The following KIFAP3 variants were observed in gnomAD, a reference collection of about 807,000 sequenced individuals.
KIFAP3 encodes the protein kinesin associated protein 3.
Under a neutral mutation model 106.5 loss-of-function variants are expected in KIFAP3, and 68 were observed. The observed-to-expected ratio is 0.64, with a 90% CI of 0.53 to 0.78. The LOEUF is 0.78. KIFAP3 is among the 30% of genes least tolerant of loss of function. KIFAP3 has a pLI of 0.00. For missense variants in KIFAP3, 780 were observed against 941.8 expected (o/e 0.83, Z 2.25); for synonymous variants, 320 against 311.5 (o/e 1.03, Z -0.29).
At chr1:169,923,957 G>C (rs1483808790) in intron 19 of KIFAP3, among the ~76,000 whole-genome samples, 1 of 148,974 alleles carries the variant, frequency 6.7e-6, no homozygotes, top group Non-Finnish European at 1.5e-5. Flanking sequence ...CAGAGTCTGA[G>C]GCCATTCTAC....
At chr1:170,004,468 T>C (rs1308758568) in intron 10 of KIFAP3, among the ~76,000 whole-genome samples, 1 of 150,990 alleles carries the variant, frequency 6.6e-6, no homozygotes, top group Non-Finnish European at 1.5e-5. Flanking sequence ...ACTACAAGGC[T>C]ACAGTAACGA....
At chr1:170,054,919 A>G (rs184548893) in intron 2 of KIFAP3, among the ~76,000 whole-genome samples, 2 of 152,204 alleles carry the variant, frequency 1.3e-5, no homozygotes, top group African/African-American at 2.4e-5. Flanking sequence ...TGGCACATGT[A>G]TATCTATGTA....
chr1:169,985,997 T>C (rs1046626031), intron 11 of KIFAP3, among the ~76,000 whole-genome samples: 2 of 151,426 alleles, frequency 1.3e-5, no homozygotes, highest in African/African-American at 4.8e-5. Flanking sequence ...ATAAAGAGAG[T>C]TTTTTCTCAG....
Position 169,987,565 on chromosome 1 carries a change from G to A in KIFAP3, c.1285-2875C>T, listed in dbSNP as rs189313168. 4.8e-3 allele frequency among the ~76,000 whole-genome samples: 733 copies of A among 152,164 alleles called. 2 individuals are homozygous for A. Among genetic ancestry groups the A allele is most frequent in the Middle Eastern group, 0.02 (6 of 294 alleles). Reference sequence around the variant, plus strand: ...ACTCCCTAACTCTCCTGTTTGAAGTGATGCTCTGGTTTCTGAACTTCAGCA... The same window carrying A: ...ACTCCCTAACTCTCCTGTTTGAAGTAATGCTCTGGTTTCTGAACTTCAGCA... On this transcript the variant is annotated intron_variant, in intron 11 of 19. Transcript: ENST00000361580.
intron 3 of KIFAP3, 94 bp from the exon 4 acceptor site, chr1:170,039,382 CTG>C: frequency 1.6e-6 from 1 of 626,464 alleles, no homozygotes; most frequent in Non-Finnish European, 2.8e-6. Context: ...TCTAGGTAAA[CTG>C]GGGATATTAA....
At chr1:170,038,154 A>T in intron 5 of KIFAP3, 136 bp downstream of exon 5, 1 of 682,252 alleles carries the variant, frequency 1.5e-6, no homozygotes, top group Non-Finnish European at 2.3e-6. Flanking sequence ...GAGAATATTT[A>T]AATGCTACAC....
At chr1:170,045,153 G>A (rs952593205) in intron 3 of KIFAP3, among the ~76,000 whole-genome samples, 3 of 152,158 alleles carry the variant, frequency 2.0e-5, no homozygotes, top group Non-Finnish European at 4.4e-5. Context: ...CTGCTTTGAG[G>A]AGTTGACATT....
chr1:169,942,877 G>T (rs1664207819), intron 19 of KIFAP3, among the ~76,000 whole-genome samples: 1 of 147,258 alleles, frequency 6.8e-6, no homozygotes, highest in African/African-American at 2.5e-5. Flanking sequence ...CCTTGTTTTT[G>T]TCTTAGATAC....
At chr1:170,017,251 G>A (rs1353873530) in intron 9 of KIFAP3, among the ~76,000 whole-genome samples, 2 of 64,872 alleles carry the variant, frequency 3.1e-5, no homozygotes, top group Non-Finnish European at 5.1e-5. Context: ...GAGAGAGACT[G>A]TCTCAAAAAA....
intron 3 of KIFAP3, among the ~76,000 whole-genome samples, chr1:170,044,384 G>A (rs1670136642): frequency 6.6e-6 from 1 of 152,158 alleles, no homozygotes; most frequent in Non-Finnish European, 1.5e-5. Context: ...AGTGCTGGTA[G>A]GAACAAATTC....
At chr1:169,959,808 C>T (rs1558196956) in intron 18 of KIFAP3, among the ~76,000 whole-genome samples, 3 of 152,042 alleles carry the variant, frequency 2.0e-5, no homozygotes, top group African/African-American at 7.2e-5. Context: ...TTTATATCAT[C>T]TTACTTCATG....
At chr1:169,965,752 AT>A (rs1473568024) in intron 17 of KIFAP3, among the ~76,000 whole-genome samples, 1 of 152,002 alleles carries the variant, frequency 6.6e-6, no homozygotes, top group African/African-American at 2.4e-5. Flanking sequence ...AGCTTACATC[AT>A]TATTCTTATT....
chr1:169,992,192 A>G lies in KIFAP3; in HGVS notation c.1247T>C (p.Phe416Ser). Residue 416 changes from phenylalanine (F) to serine (S), a missense_variant, in exon 11 of 20, where the codon TTT becomes TCT. By Grantham distance (155) the Phe-to-Ser change is radical. Coordinates refer to ENST00000361580, the MANE Select transcript of KIFAP3 (RefSeq NM_014970.4). Reference sequence around the variant, plus strand: ...GTCAGTGTATGCAAACATTGATTTAAAGCGGTCATCCATGCTTATGTGGTA... The same window carrying G: ...GTCAGTGTATGCAAACATTGATTTAGAGCGGTCATCCATGCTTATGTGGTA... ...VLYHISMDDR[F>S]KSMFAYTDCI... 1 of 1,584,654 alleles carries G rather than the reference A, an allele frequency of 6.3e-7. No individual in the cohort carries two copies. The highest frequency in any genetic ancestry group is 1.2e-5 in the South Asian group (1 of 85,854).
At chr1:170,043,657 T>C (rs1378052900) in intron 3 of KIFAP3, among the ~76,000 whole-genome samples, 1 of 152,048 alleles carries the variant, frequency 6.6e-6, no homozygotes, top group Non-Finnish European at 1.5e-5. Flanking sequence ...AAAGGACTTA[T>C]CCCAGGACGA....
rs567088301 is a variant in KIFAP3 at position 170,041,316 on chromosome 1, G to A, written c.320-2028C>T. ...AAATTTTCTTTTTTTTTCCTACTTA[G>A]TCCAATCAAAACTTGAGCATTGATA... is the stretch of plus-strand genomic sequence containing the variant. On this transcript the variant is annotated intron_variant, in intron 3 of 19. Transcript: ENST00000361580. Among the ~76,000 whole-genome samples the A allele has an allele frequency of 2.4e-4, 36 of 151,916 alleles. No individual in the cohort carries two copies. The East Asian group carries it at 6.6e-3, about 28-fold the overall frequency.
intron 9 of KIFAP3, among the ~76,000 whole-genome samples, chr1:170,018,393 G>T (rs1474447695): frequency 1.3e-5 from 2 of 152,020 alleles, no homozygotes; most frequent in Non-Finnish European, 2.9e-5. Flanking sequence ...AGTAACAGAG[G>T]ACACAACTTA....
chr1:170,041,862 A>AG, intron 3 of KIFAP3: 1 of 1,395,930 alleles, frequency 7.2e-7, no homozygotes, highest in Non-Finnish European at 9.4e-7. Context: ...GCCCTGTTTA[A>AG]GGGGAATTTC....
intron 3 of KIFAP3, among the ~76,000 whole-genome samples, chr1:170,039,892 C>T (rs1669885430): frequency 1.3e-5 from 2 of 151,966 alleles, no homozygotes; most frequent in Non-Finnish European, 2.9e-5. Context: ...CAAGTTTGAG[C>T]CATTCGTTTA....
chr1:169,993,696 G>T (rs1306380781), intron 10 of KIFAP3, among the ~76,000 whole-genome samples: 1 of 151,386 alleles, frequency 6.6e-6, no homozygotes, highest in Admixed American at 6.6e-5. Flanking sequence ...ACGCCAGCCT[G>T]GCCAACATGG....
Sources: allele counts gnomAD v4.1 joint callset (sites outside exome capture counted in the v4.1 genomes callset), GRCh38; gene constraint gnomAD v4.1.1; transcripts MANE v1.5; gene names NCBI Gene and HGNC (gene_info 2026-07-23, HGNC 2026-07-21).